Variants in FSIP1 observed in about 807,000 individuals in gnomAD.
The protein encoded by FSIP1 is fibrous sheath-interacting protein 1.
A neutral mutation model predicts 60.9 loss-of-function variants in FSIP1; 65 were observed. The ratio of observed to expected loss-of-function variants is 1.07; its 90% confidence interval spans 0.87 to 1.31. The LOEUF (loss-of-function observed/expected upper bound fraction) is 1.31. Among genes scored for constraint, FSIP1 ranks in the 40% most tolerant of loss-of-function variants. The pLI is 0.00. For missense variants in FSIP1, 675 were observed against 665.5 expected (o/e 1.01, Z -0.16); for synonymous variants, 209 against 221.2 (o/e 0.94, Z 0.49).
intron 5 of FSIP1, among the ~76,000 whole-genome samples, chr15:39,757,830 G>C (rs953236706): frequency 6.6e-6 from 1 of 152,114 alleles, no homozygotes; most frequent in Non-Finnish European, 1.5e-5. Flanking sequence ...AAGTGCAACA[G>C]ACATCTGGTT....
intron 10 of FSIP1, among the ~76,000 whole-genome samples, chr15:39,664,729 C>T (rs907273972): frequency 6.6e-6 from 1 of 151,964 alleles, no homozygotes; most frequent in African/African-American, 2.4e-5. Context: ...TTCCAGTGTC[C>T]CTTTGCCCCC....
intron 10 of FSIP1, among the ~76,000 whole-genome samples, chr15:39,706,566 A>G (rs1895278219): frequency 6.6e-6 from 1 of 152,232 alleles, no homozygotes; most frequent in Non-Finnish European, 1.5e-5. Flanking sequence ...TGCTTTCCAT[A>G]TTTTTAAACA....
At chr15:39,619,777 C>T (rs1156417238) in intron 10 of FSIP1, among the ~76,000 whole-genome samples, 4 of 152,104 alleles carry the variant, frequency 2.6e-5, no homozygotes, top group Non-Finnish European at 2.9e-5. Flanking sequence ...CAATTCCCTA[C>T]GATTTAGAAA....
intron 8 of FSIP1, among the ~76,000 whole-genome samples, chr15:39,731,141 T>G (rs1435610540): frequency 6.6e-6 from 1 of 152,136 alleles, no homozygotes; most frequent in Non-Finnish European, 1.5e-5. Context: ...TATGATATAG[T>G]CATAAATGTT....
At chr15:39,618,505 A>G in intron 10 of FSIP1, among the ~76,000 whole-genome samples, 1 of 152,144 alleles carries the variant, frequency 6.6e-6, no homozygotes, top group Admixed American at 6.6e-5. Flanking sequence ...CTGGGAAAAA[A>G]ATTGGCATAC....
At chr15:39,718,303 T>C (rs1895825134) in intron 9 of FSIP1, among the ~76,000 whole-genome samples, 1 of 148,282 alleles carries the variant, frequency 6.7e-6, no homozygotes, top group South Asian at 2.1e-4. Flanking sequence ...TATACATATA[T>C]ATGTGTGTGT....
intron 10 of FSIP1, among the ~76,000 whole-genome samples, chr15:39,700,075 T>C (rs1310095800): frequency 2.0e-5 from 3 of 152,234 alleles, no homozygotes; most frequent in Admixed American, 2.0e-4. Context: ...AAATGTCATA[T>C]ATCTTTATGG....
chr15:39,603,210 G>A (rs1426332854), intron 11 of FSIP1, among the ~76,000 whole-genome samples: 1 of 152,180 alleles, frequency 6.6e-6, no homozygotes, highest in African/African-American at 2.4e-5. Context: ...GGGGTAAATC[G>A]ATGAATGAAT....
intron 5 of FSIP1, among the ~76,000 whole-genome samples, chr15:39,746,315 G>GA (rs989015044): frequency 6.6e-6 from 1 of 151,944 alleles, no homozygotes; most frequent in African/African-American, 2.4e-5. Context: ...GAGATAAAAG[G>GA]AAAAAAACAA....
At chr15:39,728,762 T>C (rs1896294913) in intron 8 of FSIP1, among the ~76,000 whole-genome samples, 1 of 152,054 alleles carries the variant, frequency 6.6e-6, no homozygotes, top group Non-Finnish European at 1.5e-5. Context: ...AATTGACAAA[T>C]GGGACCTAAT....
chr15:39,753,762 T>TAAA (rs201203287), intron 5 of FSIP1, among the ~76,000 whole-genome samples: 1 of 150,984 alleles, frequency 6.6e-6, no homozygotes, highest in East Asian at 1.9e-4. Context: ...GTTCATAAAC[T>TAAA]AAAAAAAAGG....
chr15:39,646,182 T>G (rs1423060940), intron 10 of FSIP1, among the ~76,000 whole-genome samples: 2 of 152,078 alleles, frequency 1.3e-5, no homozygotes, highest in African/African-American at 4.8e-5. Context: ...GAAGACCAGC[T>G]GCAGAGAGGA....
intron 10 of FSIP1, among the ~76,000 whole-genome samples, chr15:39,650,833 T>C (rs116158454): frequency 1.1e-4 from 17 of 152,386 alleles, no homozygotes; most frequent in African/African-American, 3.8e-4. Context: ...TCTGCTTTCT[T>C]ACTAATATAA....
intron 10 of FSIP1, among the ~76,000 whole-genome samples, chr15:39,640,404 T>G (rs976086262): frequency 1.3e-5 from 2 of 152,148 alleles, no homozygotes; most frequent in Non-Finnish European, 2.9e-5. Flanking sequence ...TTCAATGAGG[T>G]CTCATCTGGC....
chr15:39,704,775 G>A (rs1395839400), intron 10 of FSIP1, among the ~76,000 whole-genome samples: 4 of 152,170 alleles, frequency 2.6e-5, no homozygotes, highest in African/African-American at 9.7e-5. Flanking sequence ...TCTGACTGGG[G>A]TTCATATATG....
intron 8 of FSIP1, among the ~76,000 whole-genome samples, chr15:39,730,718 T>C (rs1213413618): frequency 6.6e-6 from 1 of 152,138 alleles, no homozygotes; most frequent in Non-Finnish European, 1.5e-5. Flanking sequence ...ATGACCTAGA[T>C]TCAGCTATTT....
At chr15:39,690,082 T>C (rs1280020586) in intron 10 of FSIP1, among the ~76,000 whole-genome samples, 1 of 152,160 alleles carries the variant, frequency 6.6e-6, no homozygotes, top group Non-Finnish European at 1.5e-5. Flanking sequence ...GAATAACATG[T>C]GCAAAGATTC....
intron 10 of FSIP1, among the ~76,000 whole-genome samples, chr15:39,701,604 G>A (rs1317131499): frequency 6.6e-6 from 1 of 152,082 alleles, no homozygotes; most frequent in East Asian, 1.9e-4. Context: ...CTCCAAGAAT[G>A]TCCACTTAAC....
At chr15:39,709,195 C>T (rs8041266) in intron 10 of FSIP1, among the ~76,000 whole-genome samples, 40 of 152,218 alleles carry the variant, frequency 2.6e-4, no homozygotes, top group African/African-American at 9.4e-4. Context: ...CTTCTCCCAT[C>T]GCTAAAACAG....
Sources: allele counts gnomAD v4.1 joint callset (sites outside exome capture counted in the v4.1 genomes callset), GRCh38; gene constraint gnomAD v4.1.1; transcripts MANE v1.5; gene names NCBI Gene and HGNC (gene_info 2026-07-23, HGNC 2026-07-21).